The following UGGT1 variants were observed in gnomAD, a reference collection of about 807,000 sequenced individuals.
UGGT1 encodes the protein UDP-glucose glycoprotein glucosyltransferase 1.
UGGT1 carries 107 observed loss-of-function variants against 203.9 expected under a neutral mutation model. That is an observed-to-expected ratio of 0.52 (90% CI 0.45 to 0.62). The LOEUF (loss-of-function observed/expected upper bound fraction) is 0.62, where lower values mean the gene tolerates loss of function less well. Among genes scored for constraint, UGGT1 ranks in the 20% least tolerant of loss-of-function variants. The pLI, the probability that UGGT1 is intolerant of heterozygous loss-of-function variation, is 0.00. For missense variants in UGGT1, 1,673 were observed against 1,867.2 expected, an observed-to-expected ratio of 0.90 and a Z score of 1.92; for synonymous variants, 628 against 653.5, an observed-to-expected ratio of 0.96 and a Z score of 0.59.
At chr2:128,181,151 CTTA>C in intron 36 of UGGT1, 79 bp downstream of exon 36, 1 of 1,359,002 alleles carries the variant, frequency 7.4e-7, no homozygotes, top group Non-Finnish European at 1.0e-6. Context: ...ATTTTTTCCA[CTTA>C]TGGAAAAGGA....
chr2:128,105,029 T>C (rs1687538554), intron 3 of UGGT1, among the ~76,000 whole-genome samples: 1 of 151,444 alleles, frequency 6.6e-6, no homozygotes, highest in African/African-American at 2.4e-5. Flanking sequence ...TTTTTTCTTC[T>C]TTTAAAATTA....
intron 2 of UGGT1, among the ~76,000 whole-genome samples, chr2:128,099,817 CTTTT>C (rs774341462): frequency 2.6e-5 from 4 of 152,066 alleles, no homozygotes; most frequent in Non-Finnish European, 5.9e-5. Flanking sequence ...TGAAGTGGCT[CTTTT>C]TTAAGAGTTC....
At chr2:128,171,173 C>T (rs770010542) in intron 27 of UGGT1, 32 bp from the exon 28 acceptor site, 2 of 1,582,140 alleles carry the variant, frequency 1.3e-6, no homozygotes, top group Admixed American at 1.9e-5. Context: ...GAAAAAAATC[C>T]TAAATATTTT....
intron 16 of UGGT1, among the ~76,000 whole-genome samples, chr2:128,141,419 C>G (rs1310631966): frequency 6.6e-6 from 1 of 151,966 alleles, no homozygotes; most frequent in Admixed American, 6.6e-5. Context: ...CTGGCTTTAA[C>G]ACAGTGAAAC....
In UGGT1 at chr2:128,195,088, G is replaced by T. The variant is rs1460640781; in HGVS notation, c.*5346G>T. 1 of 152,216 alleles carries T rather than the reference G, an allele frequency of 6.6e-6. No homozygotes were observed. The highest frequency in any genetic ancestry group is 1.5e-5 in the Non-Finnish European group (1 of 68,040). 9.4% of individuals were successfully genotyped at this position (152,216 alleles called of 1,614,324 possible). On this transcript the variant is annotated 3_prime_UTR_variant, in exon 41 of 41. Transcript: ENST00000259253. ...TCGGTATTTGCAAGCGCCGGGCGTG[G>T]TGGCTCACGCCTGTAATCCTAGCAC...
At chr2:128,113,002 A>G in intron 5 of UGGT1, 82 bp from the exon 6 acceptor site, 2 of 1,258,112 alleles carry the variant, frequency 1.6e-6, no homozygotes, top group Non-Finnish European at 2.1e-6. Flanking sequence ...TTGAATTTTC[A>G]TAACTGTACT....
intron 32 of UGGT1, 63 bp downstream of exon 32, chr2:128,176,961 T>C: frequency 6.7e-7 from 1 of 1,495,650 alleles, no homozygotes; most frequent in South Asian, 1.1e-5. Flanking sequence ...AATATGTATC[T>C]TGGAACCAGC....
At chr2:128,175,202 A>T (rs6742958) in intron 31 of UGGT1, among the ~76,000 whole-genome samples, 20,576 of 152,176 alleles carry the variant, frequency 0.14, 1,520 homozygotes, top group Non-Finnish European at 0.16. Context: ...GAACAGCCAC[A>T]CTTTTCTGCC....
chr2:128,097,220 CACAAA>C (rs1687150683), intron 1 of UGGT1, among the ~76,000 whole-genome samples: 1 of 152,058 alleles, frequency 6.6e-6, no homozygotes, highest in African/African-American at 2.4e-5. Flanking sequence ...ACTAAAGATA[CACAAA>C]ATTAGCAGGG....
intron 1 of UGGT1, among the ~76,000 whole-genome samples, chr2:128,092,189 A>G (rs770789776): frequency 2.7e-5 from 4 of 150,392 alleles, no homozygotes; most frequent in East Asian, 1.9e-4. Context: ...TTAAATAGCT[A>G]TTTAACAGCA....
intron 33 of UGGT1, 54 bp from the exon 34 acceptor site, chr2:128,178,414 C>T (rs796612486): frequency 1.3e-5 from 19 of 1,423,792 alleles, no homozygotes; most frequent in African/African-American, 1.1e-4. Context: ...TTTCAAAGGC[C>T]GTGTGTCTGT....
chr2:128,184,832 C>T (rs1199417527), intron 38 of UGGT1, among the ~76,000 whole-genome samples: 1 of 152,106 alleles, frequency 6.6e-6, no homozygotes, highest in East Asian at 1.9e-4. Context: ...CAGGCACGCA[C>T]CACCACTCCT....
intron 15 of UGGT1, among the ~76,000 whole-genome samples, chr2:128,136,165 C>T (rs1447958054): frequency 1.3e-5 from 2 of 152,098 alleles, no homozygotes; most frequent in Admixed American, 6.6e-5. Flanking sequence ...GCTGCTCTTT[C>T]CTTCTTTGTA....
chr2:128,153,096 T>G (rs1690055284), intron 19 of UGGT1, among the ~76,000 whole-genome samples, 192 bp downstream of exon 19: 1 of 131,024 alleles, frequency 7.6e-6, no homozygotes, highest in African/African-American at 2.8e-5. Context: ...CACAAGAGTT[T>G]CCTCCTAAAG....
chr2:128,131,279 C>T (rs1408840964), intron 13 of UGGT1, among the ~76,000 whole-genome samples: 2 of 149,966 alleles, frequency 1.3e-5, no homozygotes, highest in Non-Finnish European at 3.0e-5. Flanking sequence ...TCCAGTCAGG[C>T]GCGGTGGCTC....
At chr2:128,185,939 A>C (rs1220970428) in intron 38 of UGGT1, among the ~76,000 whole-genome samples, 15 of 152,244 alleles carry the variant, frequency 9.9e-5, no homozygotes, top group African/African-American at 3.6e-4. Flanking sequence ...AGCATAGGGT[A>C]GCATTGGCTA....
At chr2:128,100,269 C>T (rs1216066876) in intron 2 of UGGT1, among the ~76,000 whole-genome samples, 1 of 152,166 alleles carries the variant, frequency 6.6e-6, no homozygotes, top group Admixed American at 6.5e-5. Context: ...GAACTCCTGA[C>T]CTCAGGTGAT....
intron 4 of UGGT1, among the ~76,000 whole-genome samples, chr2:128,108,806 A>G (rs1687721305): frequency 1.3e-5 from 2 of 152,136 alleles, no homozygotes; most frequent in South Asian, 4.1e-4. Context: ...GCCACCTTTC[A>G]CCCCTGAAAC....
At chr2:128,157,122 A>G (rs1227198167) in intron 21 of UGGT1, 130 bp from the exon 22 acceptor site, 2 of 681,534 alleles carry the variant, frequency 2.9e-6, no homozygotes, top group South Asian at 1.9e-5. Flanking sequence ...TTCTATCTTT[A>G]TTAAGCTTGT....
Sources: allele counts gnomAD v4.1 joint callset (sites outside exome capture counted in the v4.1 genomes callset), GRCh38; gene constraint gnomAD v4.1.1; transcripts MANE v1.5; gene names NCBI Gene and HGNC (gene_info 2026-07-23, HGNC 2026-07-21).